Variants in FGD6 observed in about 807,000 individuals in gnomAD.
FGD6 encodes the protein FYVE, RhoGEF and PH domain containing 6.
FGD6 carries 90 observed loss-of-function variants against 149.4 expected under a neutral mutation model. The ratio of observed to expected loss-of-function variants is 0.60; its 90% CI spans 0.51 to 0.72. FGD6 has a LOEUF of 0.72. Ranked by LOEUF, FGD6 falls within the 30% of genes least tolerant of loss-of-function variation. The pLI is 0.00. For synonymous variants in FGD6, 527 were observed against 584.0 expected (o/e 0.90, Z 1.41); for missense variants, 1,437 against 1,684.8 (o/e 0.85, Z 2.57).
At chr12:95,145,969 A>G (rs1316797881) in intron 5 of FGD6, among the ~76,000 whole-genome samples, 1 of 152,132 alleles carries the variant, frequency 6.6e-6, no homozygotes, top group Non-Finnish European at 1.5e-5. Flanking sequence ...CCACTGCGCC[A>G]GGCCCCCTAT....
At chr12:95,134,895 C>A in intron 7 of FGD6, 69 bp from the exon 8 acceptor site, 1 of 1,296,228 alleles carries the variant, frequency 7.7e-7, no homozygotes, top group East Asian at 2.4e-5. Context: ...TTCAAGTGCT[C>A]AGGAAGCCAA....
chr12:95,208,900 T>C lies in FGD6; in HGVS notation c.2384A>G (p.Glu795Gly). ...CTGGCCATCTGGAGCTTCATACGGC[T>C]CTTCTACCTCATACACATTTGCATC... ...DADANVYEVE[E>G]PYEAPDGQLQ... The change falls in exon 2 of 21, where the codon GAG (glutamate) becomes GGG (glycine). Residue 795 changes from glutamate to glycine, a missense_variant. By Grantham distance (98) the Glu-to-Gly change is moderately conservative. This residue lies in a region of FGD6 where 1,055 missense variants were observed against 1,146.0 expected (regional missense o/e 0.92). Transcript: ENST00000343958. The C allele has an allele frequency of 6.2e-7, 1 of 1,614,114 alleles. No homozygotes were observed.
At chr12:95,174,148 G>C (rs1478090562) in intron 2 of FGD6, among the ~76,000 whole-genome samples, 3 of 152,120 alleles carry the variant, frequency 2.0e-5, no homozygotes, top group Non-Finnish European at 4.4e-5. Context: ...CTCCCCGGGG[G>C]TAAGTGGTGG....
chr12:95,210,897 C>CT lies in FGD6; in HGVS notation c.386dup (p.Gln130AlafsTer11), dbSNP rs1565925802. 1 of 1,613,602 alleles carries CT rather than the reference C, an allele frequency of 6.2e-7. No homozygotes were observed. The highest frequency in any genetic ancestry group is 8.5e-7 in the Non-Finnish European group (1 of 1,179,924). On this transcript the variant is annotated frameshift_variant, in exon 2 of 21. Transcript: ENST00000343958. LOFTEE classifies it high-confidence loss of function. Reference sequence around the variant, plus strand: ...TTTCCAGGGGCTCTAAAACAAGCTGCTTTACACACAAATTCTCTCTATGGC... The same window carrying CT: ...TTTCCAGGGGCTCTAAAACAAGCTGCTTTTACACACAAATTCTCTCTATGGC...
rs63214161 is a variant in FGD6, at chr12:95,079,946, ATTTTTTTTTTTTT to A, written c.*1561_*1573del. The A allele has an allele frequency of 2.7e-5, 3 of 110,278 alleles. No homozygotes were observed. Among genetic ancestry groups the A allele is most frequent in the African/African-American group, 1.1e-4 (3 of 27,502 alleles). The allele number at this position is 110,278 out of a possible 1,614,324, so 6.8% of individuals were successfully genotyped here. ...ATTATATGGATAACCTTGCTGTTCA[ATTTTTTTTTTTTT>A]TTTTTTTTTGAGATGGAGTCTCGCT... is the stretch of plus-strand genomic sequence containing the variant. On this transcript the variant is annotated 3_prime_UTR_variant, in exon 21 of 21. Coordinates refer to ENST00000343958, the MANE Select transcript of FGD6 (RefSeq NM_018351.4).
chr12:95,129,933 C>A (rs1349460476), intron 8 of FGD6, among the ~76,000 whole-genome samples: 1 of 152,112 alleles, frequency 6.6e-6, no homozygotes, highest in African/African-American at 2.4e-5. Flanking sequence ...CTCAGCTTCC[C>A]AAAGTGTTGG....
intron 3 of FGD6, 28 bp from the exon 4 acceptor site, chr12:95,153,021 A>C (rs1327170303): frequency 1.3e-6 from 2 of 1,596,732 alleles, no homozygotes; most frequent in African/African-American, 1.3e-5. Flanking sequence ...TTTAACATGA[A>C]CTCATAAAAG....
chr12:95,139,886 C>T (rs1004901876), intron 6 of FGD6, among the ~76,000 whole-genome samples: 16 of 152,216 alleles, frequency 1.1e-4, no homozygotes, highest in Admixed American at 2.0e-4. Context: ...ACCCACCCGC[C>T]GCAGCCTCCC....
chr12:95,187,062 T>C (rs567593442), intron 2 of FGD6, among the ~76,000 whole-genome samples: 2 of 152,312 alleles, frequency 1.3e-5, no homozygotes, highest in South Asian at 4.1e-4. Flanking sequence ...CCGGGCATAG[T>C]GGCTCATGCC....
chr12:95,216,676 A>C (rs921244448), intron 1 of FGD6, among the ~76,000 whole-genome samples: 1 of 150,222 alleles, frequency 6.7e-6, no homozygotes, highest in African/African-American at 2.4e-5. Flanking sequence ...AAGCAAAAAA[A>C]AAAAAAAAAA....
Position 95,125,705 on chromosome 12 carries a change from A to G in FGD6, c.3082+9034T>C, listed in dbSNP as rs7306945. On this transcript the variant is annotated intron_variant, in intron 8 of 20. Coordinates refer to ENST00000343958, the MANE Select transcript of FGD6 (RefSeq NM_018351.4). ...TTTATTCAATACTATCTCTCAAAAT[A>G]CCTTTTTCACAACTACAATTAAAAA... is the stretch of plus-strand genomic sequence containing the variant. 5.2e-3 allele frequency: 2,794 copies of G among 533,996 alleles called. 54 individuals carry two copies. Among genetic ancestry groups the G allele is most frequent in the African/African-American group, 0.049 (2,546 of 52,388 alleles). 33.1% of individuals were successfully genotyped at this position (533,996 alleles called of 1,614,324 possible).
At chr12:95,175,869 G>T (rs942038061) in intron 2 of FGD6, among the ~76,000 whole-genome samples, 1 of 151,458 alleles carries the variant, frequency 6.6e-6, no homozygotes, top group South Asian at 2.1e-4. Flanking sequence ...GGGTGAGGAG[G>T]AAAAACTTAT....
intron 3 of FGD6, among the ~76,000 whole-genome samples, chr12:95,153,609 C>T (rs1592854715): frequency 6.6e-6 from 1 of 151,990 alleles, no homozygotes; most frequent in Non-Finnish European, 1.5e-5. Context: ...TGCAGTGAGC[C>T]GAGATCGCGC....
chr12:95,150,804 T>G (rs1469828000), intron 5 of FGD6, among the ~76,000 whole-genome samples: 1 of 151,936 alleles, frequency 6.6e-6, no homozygotes, highest in Admixed American at 6.6e-5. Context: ...AGAAAATCTA[T>G]TACAAAAGAG....
intron 8 of FGD6, among the ~76,000 whole-genome samples, chr12:95,115,260 CAG>C (rs1878970633): frequency 6.6e-6 from 1 of 152,198 alleles, no homozygotes; most frequent in East Asian, 1.9e-4. Flanking sequence ...TCATTCAAGA[CAG>C]AGTCTCACCC....
At chr12:95,091,642 G>A in intron 17 of FGD6, 65 bp downstream of exon 17, 1 of 1,095,332 alleles carries the variant, frequency 9.1e-7, no homozygotes, top group East Asian at 2.4e-5. Context: ...GTTTCTCTCA[G>A]AAGGTTGTTT....
chr12:95,107,462 A>G, intron 12 of FGD6, 101 bp downstream of exon 12: 1 of 1,089,358 alleles, frequency 9.2e-7, no homozygotes, highest in Non-Finnish European at 1.4e-6. Flanking sequence ...GGTGAGGCTG[A>G]TATTTGAAGG....
intron 8 of FGD6, among the ~76,000 whole-genome samples, chr12:95,115,276 C>T (rs1214443663): frequency 6.6e-6 from 1 of 152,190 alleles, no homozygotes; most frequent in South Asian, 2.1e-4. Flanking sequence ...CTCACCCTGT[C>T]GTCCAGGCTG....
At chr12:95,187,284 T>A (rs1279754718) in intron 2 of FGD6, among the ~76,000 whole-genome samples, 1 of 147,154 alleles carries the variant, frequency 6.8e-6, no homozygotes, top group Non-Finnish European at 1.5e-5. Flanking sequence ...TGAGCCGAGA[T>A]CGTGCCACTG....
Sources: gnomAD v4.1 joint callset for allele counts (sites outside exome capture counted in the v4.1 genomes callset) on GRCh38, gnomAD v4.1.1 for gene constraint, gnomAD v4.1.1 regional missense constraint, MANE v1.5 for transcripts, NCBI Gene and HGNC (gene_info 2026-07-23, HGNC 2026-07-21) for gene names.